Variants in CACNA1G observed in about 807,000 individuals in gnomAD.
CACNA1G encodes calcium voltage-gated channel subunit alpha1 G, also known as voltage-dependent T-type calcium channel subunit alpha-1G.
In CACNA1G, 67 loss-of-function variants were observed where a neutral mutation model predicts 219.4. The ratio of observed to expected loss-of-function variants is 0.31; its 90% confidence interval spans 0.25 to 0.37. The LOEUF is 0.37. CACNA1G is among the 10% of genes least tolerant of loss of function. The pLI is 1.00. For missense variants in CACNA1G, 2,380 were observed against 3,231.4 expected, an observed-to-expected ratio of 0.74 and a Z score of 6.39; for synonymous variants, 1,296 against 1,345.3, an observed-to-expected ratio of 0.96 and a Z score of 0.80.
chr17:50,578,699 G>C lies in CACNA1G; in HGVS notation c.2301+135G>C. 1.1e-6 allele frequency: 1 copy of C among 870,024 alleles called. No homozygotes were observed. 53.9% of individuals were successfully genotyped at this position (870,024 alleles called of 1,614,324 possible). A position where few individuals can be genotyped will look rare whatever the true frequency, so the allele number is the denominator to read the frequency against. On this transcript the variant is annotated intron_variant, in intron 9 of 37. Coordinates refer to ENST00000359106, the MANE Select transcript of CACNA1G (RefSeq NM_018896.5). This position sits in a 1 kb window ranked among gnomAD's most constrained non-coding sequence, Gnocchi z 4.5. Reference sequence around the variant, plus strand: ...TGCTAGCCCACCTGGCAGGTAGGAGGGGAGGTGGGTGATGGAGCAATGCAT... The same window carrying C: ...TGCTAGCCCACCTGGCAGGTAGGAGCGGAGGTGGGTGATGGAGCAATGCAT...
chr17:50,625,219 C>A lies in CACNA1G; in HGVS notation c.6399+690C>A, dbSNP rs373173569. Among the ~76,000 whole-genome samples the A allele has an allele frequency of 1.7e-4, 26 of 152,264 alleles. No homozygotes were observed. The East Asian group carries it at 3.5e-3, about 20-fold the overall frequency. On this transcript the variant is annotated intron_variant, in intron 37 of 37. Coordinates refer to ENST00000359106, the MANE Select transcript of CACNA1G (RefSeq NM_018896.5). ...TGGCCGCCTCGGCCACCCAAAGTGC[C>A]GGGATTACAGGCGTGAGCCACCGCG...
In CACNA1G at chr17:50,569,306, C is replaced by G. The variant is rs2038803981; in HGVS notation, c.488+8C>G. The G allele has an allele frequency of 2.5e-6, 4 of 1,613,226 alleles. No homozygotes were observed. The highest frequency in any genetic ancestry group is 1.3e-5 in the African/African-American group (1 of 74,944). ...TTTCATCGTCATCGCAGGGTGAGGA[C>G]CTGGGCTGGGGTGGGAGAGCAATGG... On this transcript the variant is annotated splice_region_variant and intron_variant, in intron 3 of 37. Transcript: ENST00000359106.
intron 33 of CACNA1G, among the ~76,000 whole-genome samples, chr17:50,619,389 C>G (rs1333789318): frequency 6.6e-6 from 1 of 152,158 alleles, no homozygotes. Context: ...ATCTCTCCAT[C>G]CTTTTATCTT....
At chr17:50,619,528 T>G (rs762214177) in intron 33 of CACNA1G, among the ~76,000 whole-genome samples, 155 bp from the exon 34 acceptor site, 1 of 130,182 alleles carries the variant, frequency 7.7e-6, no homozygotes, top group Non-Finnish European at 1.7e-5. Flanking sequence ...CTGTGTGTGT[T>G]TTTGTGTGTG....
intron 9 of CACNA1G, among the ~76,000 whole-genome samples, chr17:50,584,617 CA>C (rs1234279625): frequency 9.2e-5 from 4 of 43,386 alleles, no homozygotes; most frequent in Admixed American, 3.5e-4. Context: ...TAGGGGGTGA[CA>C]GGGGGGCGGC....
Position 50,618,664 on chromosome 17 carries a change from C to A in CACNA1G, c.5437C>A (p.Arg1813=). Residue 1813 remains arginine (R), a synonymous_variant, in exon 33 of 38, where the codon CGG becomes AGG. Transcript: ENST00000359106. The surrounding 1 kb of genome is among the most constrained non-coding windows in gnomAD (Gnocchi z 5.3). ...ATTCCACCCTCCCCAGGACACCCTC[C>A]GGGACTGTGACCAGGAGTCCACCTG... ...NWNGIMKDTL[R]DCDQESTCYN... 6.2e-7 allele frequency: 1 copy of A among 1,612,730 alleles called. No individual in the cohort carries two copies. Among genetic ancestry groups the A allele is most frequent in the Non-Finnish European group, 8.5e-7 (1 of 1,178,900 alleles).
intron 7 of CACNA1G, among the ~76,000 whole-genome samples, 178 bp from the exon 8 acceptor site, chr17:50,575,365 T>A (rs2040434360): frequency 1.3e-5 from 2 of 152,186 alleles, no homozygotes; most frequent in African/African-American, 2.4e-5. Flanking sequence ...TCCTTACCTG[T>A]CTGATGGAGA....
Position 50,626,515 on chromosome 17 carries a change from A to G in CACNA1G, c.6898A>G (p.Ser2300Gly). 2 of 1,569,580 alleles carry G rather than the reference A, an allele frequency of 1.3e-6. No individual in the cohort carries two copies. Among genetic ancestry groups the G allele is most frequent in the Non-Finnish European group, 1.7e-6 (2 of 1,159,490 alleles). Residue 2300 changes from serine (S) to glycine (G), a missense_variant, in exon 38 of 38, where the codon AGC (serine) becomes GGC (glycine). By Grantham distance (56) the Ser-to-Gly change is moderately conservative (BLOSUM62 0). Transcript: ENST00000359106. The surrounding 1 kb of genome is among the most constrained non-coding windows in gnomAD (Gnocchi z 4.3). ...LGGQPLGGPG[S>G]RPKKKLSPPS... is the part of the protein sequence containing the mutation. ...GGGCCAGCCTCTTGGGGGGCCTGGG[A>G]GCCGGCCCAAGAAAAAACTCAGCCC... is the stretch of plus-strand genomic sequence containing the variant.
In CACNA1G at chr17:50,618,072, ATGT is replaced by A; in HGVS notation, c.5259_5261del (p.Leu1753del). 6.2e-7 allele frequency: 1 copy of A among 1,613,632 alleles called. No homozygotes were observed. The highest frequency in any genetic ancestry group is 2.2e-5 in the East Asian group (1 of 44,856). On this transcript the variant is annotated inframe_deletion, in exon 31 of 38. Transcript: ENST00000359106. The surrounding 1 kb of genome is among the most constrained non-coding windows in gnomAD (Gnocchi z 5.3). The stretch of plus-strand genomic sequence containing the variant: ...GGTGGGGAACCTGGGACTTCTCTTC[ATGT>A]TGTTGTTTTTCATCTTTGCAGCTCT...
At chr17:50,615,697 T>C (rs998847331) in intron 27 of CACNA1G, among the ~76,000 whole-genome samples, 185 bp downstream of exon 27, 2 of 152,224 alleles carry the variant, frequency 1.3e-5, no homozygotes, top group African/African-American at 2.4e-5. Flanking sequence ...ACACTGAGGC[T>C]CAGAGATGTT....
At chr17:50,601,541 G>A (rs1441975071) in intron 19 of CACNA1G, among the ~76,000 whole-genome samples, 1 of 152,232 alleles carries the variant, frequency 6.6e-6, no homozygotes, top group Non-Finnish European at 1.5e-5. Context: ...TCGGGGGCAT[G>A]CAGAGTGGCC....
chr17:50,600,732 G>T lies in CACNA1G; in HGVS notation c.3697G>T (p.Gly1233Trp). Reference protein sequence around the residue: ...DADDEGNLSKGERVRAWIRAR... With the variant: ...DADDEGNLSKWERVRAWIRAR... ...TCCAGTGTTTGTTCTGCAGAGCAAA[G>T]GGGAACGGGTCCGCGCGTGGATCCG... Residue 1233 changes from glycine (G) to tryptophan (W), a missense_variant, in exon 18 of 38, where the codon GGG becomes TGG. Transcript: ENST00000359106. This position sits in a 1 kb window ranked among gnomAD's most constrained non-coding sequence, Gnocchi z 4.1. 6.2e-7 allele frequency: 1 copy of T among 1,613,768 alleles called. No individual in the cohort carries two copies. The highest frequency in any genetic ancestry group is 8.5e-7 in the Non-Finnish European group (1 of 1,179,756).
Position 50,600,881 on chromosome 17 carries a change from A to C in CACNA1G, c.3791+55A>C. On this transcript the variant is annotated intron_variant, in intron 18 of 37. Coordinates refer to ENST00000359106, the MANE Select transcript of CACNA1G (RefSeq NM_018896.5). This position sits in a 1 kb window ranked among gnomAD's most constrained non-coding sequence, Gnocchi z 4.1. Reference sequence around the variant, plus strand: ...GTCCCGACCTCTTCTTCTCACGGGAAATTACCGCTGGTGATGCTGTCAGGG... The same window carrying C: ...GTCCCGACCTCTTCTTCTCACGGGACATTACCGCTGGTGATGCTGTCAGGG... The C allele has an allele frequency of 6.3e-7, 1 of 1,574,912 alleles. No individual in the cohort carries two copies. Among genetic ancestry groups the C allele is most frequent in the Non-Finnish European group, 8.7e-7 (1 of 1,145,506 alleles).
intron 9 of CACNA1G, among the ~76,000 whole-genome samples, chr17:50,586,668 A>G (rs188546302): frequency 3.9e-5 from 6 of 152,264 alleles, no homozygotes; most frequent in Admixed American, 1.3e-4. Context: ...ACCCTGTTTA[A>G]CAGAAGAGGC....
chr17:50,594,675 G>T (rs943439492), intron 13 of CACNA1G, among the ~76,000 whole-genome samples: 8 of 152,194 alleles, frequency 5.3e-5, no homozygotes, highest in African/African-American at 1.9e-4. Context: ...TGGTGTTAAG[G>T]AGGCAGTTTC....
In CACNA1G at chr17:50,600,180, C is replaced by A. The variant is rs985323203; in HGVS notation, c.3690+321C>A. Among the ~76,000 whole-genome samples the A allele has an allele frequency of 1.3e-5, 2 of 152,164 alleles. No homozygotes were observed. The highest frequency in any genetic ancestry group is 2.4e-5 in the African/African-American group (1 of 41,438). On this transcript the variant is annotated intron_variant, in intron 17 of 37. Transcript: ENST00000359106. The surrounding 1 kb of genome is among the most constrained non-coding windows in gnomAD (Gnocchi z 4.1). ...ATCACTCATCTCTCCAAACTGATGCCCCGCATCCCCCTTTCTCGTCTCAAC... is the reference window on the plus strand; with the variant it reads ...ATCACTCATCTCTCCAAACTGATGCACCGCATCCCCCTTTCTCGTCTCAAC...
At position 50,561,317 on chromosome 17, in the gene CACNA1G, C is replaced by CT; in HGVS notation, c.-142dup. The CT allele has an allele frequency of 9.9e-7, 1 of 1,013,234 alleles. No homozygotes were observed. Among genetic ancestry groups the CT allele is most frequent in the Non-Finnish European group, 1.4e-6 (1 of 703,874 alleles). The allele number at this position is 1,013,234 out of a possible 1,614,324, so 62.8% of individuals were successfully genotyped here. On this transcript the variant is annotated 5_prime_UTR_variant, in exon 1 of 38. The change creates a premature stop within an existing upstream ORF in the 5' untranslated region. Transcript: ENST00000359106. ...TGCGGGCAGGGGGAGCTGGGCTGAA[C>CT]TGGCCCTCCCGGGGGCTCAGCTTGC... is the stretch of plus-strand genomic sequence containing the variant.
intron 9 of CACNA1G, among the ~76,000 whole-genome samples, chr17:50,581,250 G>C (rs1471276326): frequency 6.6e-6 from 1 of 151,766 alleles, no homozygotes; most frequent in Non-Finnish European, 1.5e-5. Flanking sequence ...GACAGAGACC[G>C]AGTCCCAGAT....
At chr17:50,610,657 C>T (rs975873466) in intron 26 of CACNA1G, among the ~76,000 whole-genome samples, 3 of 152,064 alleles carry the variant, frequency 2.0e-5, no homozygotes, top group Non-Finnish European at 4.4e-5. Context: ...TGTGGGGCCT[C>T]ATAACACTAT....
Sources: allele counts gnomAD v4.1 joint callset (sites outside exome capture counted in the v4.1 genomes callset), GRCh38; gene constraint gnomAD v4.1.1; non-coding constraint Gnocchi (gnomAD v3.1); transcripts MANE v1.5; gene names NCBI Gene and HGNC (gene_info 2026-07-23, HGNC 2026-07-21).